Variants in ZBTB7C observed in about 807,000 individuals in gnomAD.
ZBTB7C encodes zinc finger and BTB domain-containing protein 7C.
ZBTB7C carries 8 observed loss-of-function variants against 25.7 expected under a neutral mutation model. That is an observed-to-expected ratio of 0.31 (90% CI 0.18 to 0.56). ZBTB7C has a LOEUF of 0.56. Ranked by LOEUF, ZBTB7C falls within the 20% of genes least tolerant of loss-of-function variation. The pLI, the probability that ZBTB7C is intolerant of heterozygous loss-of-function variation, is 0.91. For missense variants in ZBTB7C, 824 were observed against 855.2 expected (o/e 0.96, Z 0.46); for synonymous variants, 394 against 369.0 (o/e 1.07, Z -0.78).
intron 3 of ZBTB7C, chr18:48,150,628 A>C (rs2040647758): frequency 6.6e-6 from 1 of 151,984 alleles, no homozygotes; most frequent in African/African-American, 2.4e-5. Flanking sequence ...AAAGCAAGGC[A>C]GAAGGTAGGA....
intron 2 of ZBTB7C, among the ~76,000 whole-genome samples, chr18:48,321,588 T>A (rs528071083): frequency 2.6e-4 from 40 of 152,146 alleles, no homozygotes; most frequent in African/African-American, 9.1e-4. Context: ...CTCCTCCCCA[T>A]CCCCATCCTT....
chr18:48,362,934 G>C (rs1413384956), intron 1 of ZBTB7C, among the ~76,000 whole-genome samples: 1 of 152,168 alleles, frequency 6.6e-6, no homozygotes, highest in Non-Finnish European at 1.5e-5. Context: ...AGGGCCCACT[G>C]TCCAGCTGGG....
At chr18:48,184,375 C>T (rs1482246311) in intron 3 of ZBTB7C, among the ~76,000 whole-genome samples, 5 of 152,258 alleles carry the variant, frequency 3.3e-5, no homozygotes, top group South Asian at 4.1e-4. Context: ...TCAGTGTGGA[C>T]GTCTTAGGCA....
intron 2 of ZBTB7C, among the ~76,000 whole-genome samples, chr18:48,194,637 C>T (rs528786777): frequency 7.9e-5 from 12 of 152,172 alleles, no homozygotes; most frequent in Admixed American, 2.6e-4. Context: ...TTCTTAGCAA[C>T]GCTGCAGAGG....
rs900250777 is a variant in ZBTB7C, at chr18:48,275,184, T to G, written c.-79+62990A>C. On this transcript the variant is annotated intron_variant, in intron 2 of 4. Transcript: ENST00000590800. ...GATACCAAACTCGGCTTAGCTGAAC[T>G]GGCAGATTGTTTGCCTAAATAAACC... Among the ~76,000 whole-genome samples, 4 of 152,244 alleles carry G rather than the reference T, an allele frequency of 2.6e-5. No individual in the cohort carries two copies. In the South Asian group the frequency reaches 6.2e-4, roughly 24 times the overall value.
At chr18:48,396,232 T>C (rs2048026781) in intron 1 of ZBTB7C, among the ~76,000 whole-genome samples, 1 of 152,230 alleles carries the variant, frequency 6.6e-6, no homozygotes. Context: ...TGCTTTGTCA[T>C]TGTACCACCC....
At chr18:48,148,847 T>C (rs970865650) in intron 3 of ZBTB7C, 1 of 152,218 alleles carries the variant, frequency 6.6e-6, no homozygotes, top group Non-Finnish European at 1.5e-5. Context: ...CCGCCTTATT[T>C]TGTAAAGAAG....
intron 3 of ZBTB7C, among the ~76,000 whole-genome samples, chr18:48,160,624 T>A (rs1016381459): frequency 6.6e-6 from 1 of 152,174 alleles, no homozygotes; most frequent in Non-Finnish European, 1.5e-5. Context: ...GTATAAATAG[T>A]GGCAATCTTG....
chr18:48,233,943 C>G (rs1023124876), intron 2 of ZBTB7C, among the ~76,000 whole-genome samples: 2 of 152,142 alleles, frequency 1.3e-5, no homozygotes, highest in African/African-American at 2.4e-5. Context: ...TGGGTCAGTT[C>G]CATCCACATC....
intron 1 of ZBTB7C, among the ~76,000 whole-genome samples, chr18:48,384,698 T>C (rs1250664460): frequency 1.3e-5 from 2 of 152,222 alleles, no homozygotes; most frequent in East Asian, 3.9e-4. Flanking sequence ...TGTTTGTTTT[T>C]TGAGATTGAG....
chr18:48,059,809 G>C (rs1014757663), intron 3 of ZBTB7C, among the ~76,000 whole-genome samples: 13 of 152,096 alleles, frequency 8.5e-5, no homozygotes, highest in African/African-American at 3.1e-4. Context: ...CTGCTCCTTT[G>C]AAAACAGCCC....
In ZBTB7C at chr18:48,372,432, G is replaced by A. The variant is rs532332438; in HGVS notation, c.-303-34034C>T. ...TGGCCAATAGGCTATGAGTGGAACC[G>A]TGTCACTTCCGCGCTGAGGGAGTTA... On this transcript the variant is annotated intron_variant, in intron 1 of 4. Transcript: ENST00000590800. Among the ~76,000 whole-genome samples the A allele has an allele frequency of 1.1e-4, 17 of 152,294 alleles. 1 individual carries two copies. The East Asian group carries it at 2.7e-3, about 24-fold the overall frequency.
At chr18:48,200,186 A>C (rs1057476369) in intron 2 of ZBTB7C, among the ~76,000 whole-genome samples, 10 of 152,162 alleles carry the variant, frequency 6.6e-5, no homozygotes, top group Admixed American at 6.5e-4. Flanking sequence ...TAAAGAGTGA[A>C]TTAACCGTGA....
chr18:48,098,436 G>A (rs79103256), intron 3 of ZBTB7C, among the ~76,000 whole-genome samples: 3,140 of 152,290 alleles, frequency 0.021, 39 homozygotes, highest in Non-Finnish European at 0.031. Context: ...GCTAGAGCTA[G>A]GATGCTTGTT....
chr18:48,178,687 G>C (rs2041770647), intron 3 of ZBTB7C, among the ~76,000 whole-genome samples: 2 of 152,190 alleles, frequency 1.3e-5, no homozygotes, highest in South Asian at 4.1e-4. Context: ...CATCGTCAGA[G>C]CGGGTCTGGC....
chr18:48,102,585 A>T (rs990057648), intron 3 of ZBTB7C, among the ~76,000 whole-genome samples: 2 of 147,930 alleles, frequency 1.4e-5, no homozygotes, highest in Non-Finnish European at 3.0e-5. Flanking sequence ...AAAAAAAAAA[A>T]AGTAACTAAC....
chr18:48,270,162 T>C (rs12965043), intron 2 of ZBTB7C, among the ~76,000 whole-genome samples: 53,926 of 150,556 alleles, frequency 0.36, 11,372 homozygotes, highest in Non-Finnish European at 0.49. Flanking sequence ...ACAAAGAAAG[T>C]AGAAGAGATA....
chr18:48,401,341 C>A (rs1228598094), intron 1 of ZBTB7C, among the ~76,000 whole-genome samples: 4 of 152,288 alleles, frequency 2.6e-5, no homozygotes, highest in East Asian at 1.9e-4. Context: ...TCCCCTCACT[C>A]TTTGTCGAGA....
intron 3 of ZBTB7C, among the ~76,000 whole-genome samples, chr18:48,140,084 C>T (rs960066262): frequency 3.3e-5 from 5 of 152,168 alleles, no homozygotes; most frequent in East Asian, 1.9e-4. Context: ...CCAGTGAGGA[C>T]GAAAGCTCCT....
Sources: allele counts gnomAD v4.1 joint callset (sites outside exome capture counted in the v4.1 genomes callset), GRCh38; gene constraint gnomAD v4.1.1; transcripts MANE v1.5; gene names NCBI Gene and HGNC (gene_info 2026-07-23, HGNC 2026-07-21).